The following KIAA1217 variants were observed in gnomAD, a reference collection of about 807,000 sequenced individuals.
KIAA1217 encodes sickle tail protein homolog.
Under a neutral mutation model 163.9 loss-of-function variants are expected in KIAA1217, and 88 were observed. That is an observed-to-expected ratio of 0.54 (90% CI 0.45 to 0.64). The LOEUF (loss-of-function observed/expected upper bound fraction) is 0.64, where lower values mean the gene tolerates loss of function less well. KIAA1217 is among the 30% of genes least tolerant of loss of function. The probability of loss-of-function intolerance (pLI) is 0.00; values close to 1 mark genes in which losing one functional copy is unlikely to be tolerated. For missense variants in KIAA1217, 2,372 were observed against 2,475.0 expected, an observed-to-expected ratio of 0.96 and a Z score of 0.88; for synonymous variants, 903 against 923.1, an observed-to-expected ratio of 0.98 and a Z score of 0.39.
intron 6 of KIAA1217, among the ~76,000 whole-genome samples, chr10:24,487,051 C>G (rs1158195188): frequency 6.6e-6 from 1 of 152,212 alleles, no homozygotes; most frequent in Non-Finnish European, 1.5e-5. Context: ...GTTTTTGCTT[C>G]CACTAAATTG....
At chr10:24,143,944 G>A (rs1299717354) in intron 2 of KIAA1217, among the ~76,000 whole-genome samples, 2 of 152,136 alleles carry the variant, frequency 1.3e-5, no homozygotes, top group Non-Finnish European at 2.9e-5. Context: ...GACACTCAAT[G>A]AATCATGGAC....
At chr10:24,244,644 A>G (rs576705958) in intron 2 of KIAA1217, among the ~76,000 whole-genome samples, 1 of 148,272 alleles carries the variant, frequency 6.7e-6, no homozygotes, top group East Asian at 2.0e-4. Flanking sequence ...CGCTTATTGC[A>G]ACCTCCGCCT....
intron 1 of KIAA1217, among the ~76,000 whole-genome samples, chr10:23,953,353 C>T (rs1297959545): frequency 1.3e-5 from 2 of 152,182 alleles, no homozygotes; most frequent in Admixed American, 6.5e-5. Context: ...AATCCAGGGT[C>T]CTTTCAGCTT....
At chr10:24,103,935 C>T (rs1317143729) in intron 2 of KIAA1217, among the ~76,000 whole-genome samples, 1 of 152,198 alleles carries the variant, frequency 6.6e-6, no homozygotes, top group Non-Finnish European at 1.5e-5. Context: ...ACATATTCAA[C>T]TGATCTTTGA....
chr10:24,448,214 A>G (rs1285946866), intron 5 of KIAA1217, among the ~76,000 whole-genome samples: 1 of 151,866 alleles, frequency 6.6e-6, no homozygotes, highest in African/African-American at 2.4e-5. Flanking sequence ...AGTGTTCATC[A>G]GAAATACACA....
chr10:24,179,587 T>G (rs993920366), intron 2 of KIAA1217, among the ~76,000 whole-genome samples: 1 of 152,142 alleles, frequency 6.6e-6, no homozygotes, highest in Admixed American at 6.6e-5. Flanking sequence ...AAATTCTTTC[T>G]TTCTTTTCTT....
At chr10:23,794,065 T>C (rs1044327151) in intron 1 of KIAA1217, among the ~76,000 whole-genome samples, 2 of 152,208 alleles carry the variant, frequency 1.3e-5, no homozygotes, top group African/African-American at 4.8e-5. Context: ...CGTAAGATCA[T>C]AGAATTTTGA....
At chr10:23,786,272 T>G (rs953625709) in intron 1 of KIAA1217, among the ~76,000 whole-genome samples, 1 of 151,646 alleles carries the variant, frequency 6.6e-6, no homozygotes, top group Non-Finnish European at 1.5e-5. Flanking sequence ...TTGGTTAATA[T>G]GGATAAGGGG....
intron 2 of KIAA1217, among the ~76,000 whole-genome samples, chr10:24,220,881 C>G (rs1252513779): frequency 6.6e-6 from 1 of 151,540 alleles, no homozygotes; most frequent in African/African-American, 2.4e-5. Context: ...ATCTCAGCCT[C>G]CTGACTAGCT....
At chr10:23,977,600 C>T (rs1845592981) in intron 1 of KIAA1217, among the ~76,000 whole-genome samples, 1 of 152,088 alleles carries the variant, frequency 6.6e-6, no homozygotes, top group Non-Finnish European at 1.5e-5. Flanking sequence ...AAAAGTAAAA[C>T]AGTTGGAAAA....
intron 1 of KIAA1217, among the ~76,000 whole-genome samples, chr10:23,863,311 A>T (rs1840040609): frequency 6.6e-6 from 1 of 152,178 alleles, no homozygotes; most frequent in Admixed American, 6.5e-5. Context: ...TGGCATCGCT[A>T]CCTGCTATGG....
At chr10:24,159,745 T>C (rs1313499580) in intron 2 of KIAA1217, among the ~76,000 whole-genome samples, 1 of 152,084 alleles carries the variant, frequency 6.6e-6, no homozygotes, top group Non-Finnish European at 1.5e-5. Context: ...ATCACGCCAC[T>C]GCGCTCCAGC....
chr10:24,544,589 C>CTTT lies in KIAA1217; in HGVS notation c.5211+118_5211+120dup, dbSNP rs796806090. 12 of 1,103,308 alleles carry CTTT rather than the reference C, an allele frequency of 1.1e-5. No individual in the cohort carries two copies. In the African/African-American group the frequency reaches 1.5e-4, roughly 14 times the overall value. 68.3% of individuals were successfully genotyped at this position (1,103,308 alleles called of 1,614,324 possible). ...AACTTAATTGCTTTCTTTCAGGTGG[C>CTTT]TTTTTTTTTTTTGTCTGTTCGCCAT... On this transcript the variant is annotated intron_variant, in intron 19 of 20. Coordinates refer to ENST00000376454, the MANE Select transcript of KIAA1217 (RefSeq NM_019590.5).
chr10:24,495,135 T>C lies in KIAA1217; in HGVS notation c.1785-12T>C. On this transcript the variant is annotated splice_polypyrimidine_tract_variant and intron_variant, in intron 7 of 20. Coordinates refer to ENST00000376454, the MANE Select transcript of KIAA1217 (RefSeq NM_019590.5). The stretch of plus-strand genomic sequence containing the variant: ...GAAACTGCATAGCTGACTCTCTTTT[T>C]CTTTTATTCAGCGAGAAAATGATGA... 4 of 1,610,254 alleles carry C rather than the reference T, an allele frequency of 2.5e-6. No homozygotes were observed. The highest frequency in any genetic ancestry group is 2.5e-6 in the Non-Finnish European group (3 of 1,178,694).
intron 1 of KIAA1217, among the ~76,000 whole-genome samples, chr10:23,944,674 A>G (rs1288625880): frequency 1.3e-5 from 2 of 152,228 alleles, no homozygotes; most frequent in Non-Finnish European, 2.9e-5. Flanking sequence ...AAGATTAACA[A>G]CACCAACTAT....
rs145070841 is a variant in KIAA1217 at position 24,387,008 on chromosome 10, G to A, written c.553+5941G>A. Among the ~76,000 whole-genome samples, 130 of 152,282 alleles carry A rather than the reference G, an allele frequency of 8.5e-4. 1 individual carries two copies. Among genetic ancestry groups the A allele is most frequent in the African/African-American group, 2.0e-3 (84 of 41,572 alleles). On this transcript the variant is annotated intron_variant, in intron 3 of 20. Coordinates refer to ENST00000376454, the MANE Select transcript of KIAA1217 (RefSeq NM_019590.5). ...AGTAATACTGTAAAAACAAAAATTC[G>A]CAGAAGGGAGTTTCATAGCAGGTCA...
At chr10:23,857,143 G>A (rs530380981) in intron 1 of KIAA1217, among the ~76,000 whole-genome samples, 11 of 152,248 alleles carry the variant, frequency 7.2e-5, no homozygotes, top group East Asian at 1.9e-4. Context: ...GTTCCTATTC[G>A]GCCATCTTGG....
At chr10:24,303,826 A>G in intron 2 of KIAA1217, among the ~76,000 whole-genome samples, 1 of 151,926 alleles carries the variant, frequency 6.6e-6, no homozygotes, top group South Asian at 2.1e-4. Flanking sequence ...ATGGGATTCA[A>G]ATTTGCACGT....
intron 2 of KIAA1217, among the ~76,000 whole-genome samples, chr10:24,307,945 G>C (rs12251731): frequency 1.6e-4 from 25 of 152,196 alleles, no homozygotes; most frequent in African/African-American, 5.8e-4. Flanking sequence ...TTGGGTCACT[G>C]CCCGAGTCAT....
Sources: allele counts gnomAD v4.1 joint callset (sites outside exome capture counted in the v4.1 genomes callset), GRCh38; gene constraint gnomAD v4.1.1; transcripts MANE v1.5; gene names NCBI Gene and HGNC (gene_info 2026-07-23, HGNC 2026-07-21).